LFNG: variants seen among roughly 807,000 people sequenced by gnomAD.
LFNG encodes the protein beta-1,3-N-acetylglucosaminyltransferase lunatic fringe.
Under a neutral mutation model 32.7 loss-of-function variants are expected in LFNG, and 15 were observed. The observed-to-expected ratio is 0.46, with a 90% CI of 0.31 to 0.71. The LOEUF (loss-of-function observed/expected upper bound fraction) is 0.71, where lower values mean the gene tolerates loss of function less well. LFNG is among the 30% of genes least tolerant of loss of function. The pLI, the probability that LFNG is intolerant of heterozygous loss-of-function variation, is 0.06. For missense variants in LFNG, 520 were observed against 545.7 expected (o/e 0.95, Z 0.47); for synonymous variants, 274 against 246.8 (o/e 1.11, Z -1.03).
At chr7:2,518,004 G>T, upstream of LFNG, 2 of 802,888 alleles carry the variant, frequency 2.5e-6, no homozygotes, top group Non-Finnish European at 3.2e-6. Flanking sequence ...GGGAAGAGAT[G>T]ATGGGGATGG....
intron 5 of LFNG, 30 bp downstream of exon 5, chr7:2,525,800 C>T (rs377213786): frequency 5.2e-5 from 82 of 1,580,054 alleles, no homozygotes; most frequent in East Asian, 4.5e-4. Context: ...TAGGCCAGCC[C>T]GGTCCCAGGC....
chr7:2,525,143 C>T, intron 2 of LFNG, 76 bp from the exon 3 acceptor site: 1 of 1,304,190 alleles, frequency 7.7e-7, no homozygotes, highest in South Asian at 1.2e-5. Context: ...GCCCCTGGGC[C>T]CTGTGGCGTC....
upstream of LFNG, among the ~76,000 whole-genome samples, chr7:2,514,673 T>G (rs1018399834): frequency 1.3e-5 from 2 of 151,936 alleles, no homozygotes; most frequent in African/African-American, 4.8e-5. Flanking sequence ...TGTCTGTCCT[T>G]TCACCTATCC....
chr7:2,525,372 G>GCCCCGGCATGCCCT, intron 3 of LFNG, 42 bp from the exon 4 acceptor site: 1 of 1,612,132 alleles, frequency 6.2e-7, no homozygotes, highest in Non-Finnish European at 8.5e-7. Flanking sequence ...GGCAGCGCCC[G>GCCCCGGCATGCCCT]CCCCGGCATG....
At chr7:2,519,664 T>A (rs1361801965), upstream of LFNG, among the ~76,000 whole-genome samples, 2 of 147,716 alleles carry the variant, frequency 1.4e-5, no homozygotes, top group African/African-American at 5.0e-5. Context: ...TCTGCGGGCG[T>A]GGAGCGGCGA....
intron 1 of LFNG, chr7:2,512,813 A>G: frequency 1.3e-5 from 12 of 926,900 alleles, no homozygotes; most frequent in Non-Finnish European, 1.9e-5. Context: ...CTACACCTAG[A>G]TCCTCAGGCT....
In LFNG at chr7:2,526,800, G is replaced by A. The variant is rs1226532809; in HGVS notation, c.988-36G>A. On this transcript the variant is annotated intron_variant, in intron 6 of 7. Coordinates refer to ENST00000222725, the MANE Select transcript of LFNG (RefSeq NM_001040167.2). This position sits in a 1 kb window ranked among gnomAD's most constrained non-coding sequence, Gnocchi z 6.9. ...CCTGGGGCGGGGCCCAGGGATGTCG[G>A]GCCCCTCCCGGCATCACTCCGCCCG... 1.9e-6 allele frequency: 3 copies of A among 1,600,626 alleles called. No homozygotes were observed. Among genetic ancestry groups the A allele is most frequent in the East Asian group, 2.2e-5 (1 of 44,748 alleles).
chr7:2,528,971 G>T (rs1382656469), downstream of LFNG: 1 of 494,746 alleles, frequency 2.0e-6, no homozygotes, highest in Non-Finnish European at 3.7e-6. Flanking sequence ...GCAGGCCGTG[G>T]GTCCGGCCGC....
downstream of LFNG, chr7:2,528,910 G>C: frequency 1.9e-6 from 1 of 523,068 alleles, no homozygotes; most frequent in Non-Finnish European, 3.5e-6. Context: ...TGATGCCCAA[G>C]GTCCAGCAGC....
chr7:2,516,534 G>A (rs907489562), upstream of LFNG, among the ~76,000 whole-genome samples: 2 of 152,234 alleles, frequency 1.3e-5, no homozygotes, highest in Non-Finnish European at 2.9e-5. Flanking sequence ...CCCCCGGGCT[G>A]AGCCCTGGCA....
upstream of LFNG, among the ~76,000 whole-genome samples, chr7:2,514,848 ATCCATT>A (rs2128373313): frequency 6.9e-6 from 1 of 144,924 alleles, no homozygotes; most frequent in South Asian, 2.2e-4. Context: ...CCATCCATCC[ATCCATT>A]CATCTGTCTA....
Position 2,525,786 on chromosome 7 carries a change from A to T in LFNG, c.821+16A>T. Reference sequence around the variant, plus strand: ...CGTGGGCCAGGTGAGTGCCCTGCACAGGTTAGGCCAGCCCGGTCCCAGGCT... The same window carrying T: ...CGTGGGCCAGGTGAGTGCCCTGCACTGGTTAGGCCAGCCCGGTCCCAGGCT... On this transcript the variant is annotated intron_variant, in intron 5 of 7. Transcript: ENST00000222725. 1 of 1,604,166 alleles carries T rather than the reference A, an allele frequency of 6.2e-7. No individual in the cohort carries two copies. Among genetic ancestry groups the T allele is most frequent in the South Asian group, 1.1e-5 (1 of 90,774 alleles).
intron 1 of LFNG, 121 bp from the exon 2 acceptor site, chr7:2,524,574 T>C: frequency 4.4e-6 from 4 of 898,946 alleles, no homozygotes; most frequent in Non-Finnish European, 7.2e-6. Flanking sequence ...CGGAGAAGGG[T>C]GGGTGTCAGT....
At chr7:2,513,351 C>T (rs747902954), upstream of LFNG, 83 of 1,570,676 alleles carry the variant, frequency 5.3e-5, no homozygotes, top group Middle Eastern at 3.4e-4. Flanking sequence ...TTCCTGGGGA[C>T]ATAACCTCCC....
chr7:2,518,704 C>A (rs1779691750), upstream of LFNG: 9 of 1,485,736 alleles, frequency 6.1e-6, no homozygotes, highest in Admixed American at 4.2e-5. Flanking sequence ...CGGTGGTGGT[C>A]GTGGTGGTCG....
upstream of LFNG, among the ~76,000 whole-genome samples, chr7:2,514,617 T>C (rs1436773327): frequency 6.6e-6 from 1 of 151,422 alleles, no homozygotes; most frequent in African/African-American, 2.4e-5. Context: ...CATTCATCTG[T>C]CTATCCATCC....
Position 2,526,184 on chromosome 7 carries a change from C to G in LFNG, c.822-60C>G. ...AGCGCCTTTGCCTGGTGGGGCCTCC[C>G]CAGCTCCCAGCAGATGGCTCCCGCC... On this transcript the variant is annotated intron_variant, in intron 5 of 7. Coordinates refer to ENST00000222725, the MANE Select transcript of LFNG (RefSeq NM_001040167.2). This position sits in a 1 kb window ranked among gnomAD's most constrained non-coding sequence, Gnocchi z 6.9. 6.3e-7 allele frequency: 1 copy of G among 1,595,270 alleles called. No individual in the cohort carries two copies. The highest frequency in any genetic ancestry group is 8.6e-7 in the Non-Finnish European group (1 of 1,168,972).
At chr7:2,528,891 C>T (rs1473187548), downstream of LFNG, 20 of 555,824 alleles carry the variant, frequency 3.6e-5, no homozygotes, top group East Asian at 1.0e-4. Context: ...AACTGAGGCA[C>T]GGAGCAGCTG....
rs1489759381 is a variant in LFNG at position 2,520,241 on chromosome 7, G to A, written c.380G>A (p.Arg127His). 2 of 1,609,680 alleles carry A rather than the reference G, an allele frequency of 1.2e-6. No individual in the cohort carries two copies. The highest frequency in any genetic ancestry group is 1.7e-6 in the Non-Finnish European group (2 of 1,178,634). ...IAVKTTKKFH[R>H]ARLDLLLETW... ...GTCAAGACCACCAAAAAGTTCCACC[G>A]CGCGCGCCTCGACCTGCTGCTGGAG... The change falls in exon 1 of 8, where the codon CGC becomes CAC. Residue 127 changes from arginine to histidine, a missense_variant. By Grantham distance (29) the Arg-to-His change is conservative. Coordinates refer to ENST00000222725, the MANE Select transcript of LFNG (RefSeq NM_001040167.2). The surrounding 1 kb of genome is among the most constrained non-coding windows in gnomAD (Gnocchi z 5.0).
Sources: allele counts gnomAD v4.1 joint callset (sites outside exome capture counted in the v4.1 genomes callset), GRCh38; gene constraint gnomAD v4.1.1; non-coding constraint Gnocchi (gnomAD v3.1); transcripts MANE v1.5; gene names NCBI Gene and HGNC (gene_info 2026-07-23, HGNC 2026-07-21).